Variants in VPS13A observed in about 807,000 individuals in gnomAD.
The protein encoded by VPS13A is intermembrane lipid transfer protein VPS13A.
In VPS13A, 264 loss-of-function variants were observed where a neutral mutation model predicts 390.9. The observed-to-expected ratio is 0.68, with a 90% CI of 0.61 to 0.75. The LOEUF (loss-of-function observed/expected upper bound fraction) is 0.75, where lower values mean the gene tolerates loss of function less well. Among genes scored for constraint, VPS13A ranks in the 30% least tolerant of loss-of-function variants. VPS13A has a pLI of 0.00. For missense variants in VPS13A, 3,409 were observed against 3,733.9 expected, an observed-to-expected ratio of 0.91 and a Z score of 2.27; for synonymous variants, 1,231 against 1,227.1, an observed-to-expected ratio of 1.00 and a Z score of -0.07.
At chr9:77,412,033 G>A (rs1247013827) in intron 71 of VPS13A, among the ~76,000 whole-genome samples, 1 of 152,094 alleles carries the variant, frequency 6.6e-6, no homozygotes. Flanking sequence ...ACCCTCCCAA[G>A]ACTAAAGCAG....
At chr9:77,179,144 G>C (rs1409242319) in intron 1 of VPS13A, among the ~76,000 whole-genome samples, 1 of 152,176 alleles carries the variant, frequency 6.6e-6, no homozygotes, top group Admixed American at 6.5e-5. Flanking sequence ...GAATACTTGA[G>C]GTGAACTTTG....
At chr9:77,298,862 C>A (rs1317067677) in intron 33 of VPS13A, among the ~76,000 whole-genome samples, 3 of 152,112 alleles carry the variant, frequency 2.0e-5, no homozygotes, top group Admixed American at 2.0e-4. Context: ...GGGGAAACCC[C>A]TTTGACTTGG....
At chr9:77,414,346 C>T (rs1835072081) in intron 71 of VPS13A, among the ~76,000 whole-genome samples, 1 of 152,138 alleles carries the variant, frequency 6.6e-6, no homozygotes, top group South Asian at 2.1e-4. Context: ...ACCCAAATGT[C>T]CAACAATGAT....
At chr9:77,277,471 T>C (rs1046718657) in intron 26 of VPS13A, among the ~76,000 whole-genome samples, 15 of 152,208 alleles carry the variant, frequency 9.9e-5, no homozygotes, top group African/African-American at 3.6e-4. Flanking sequence ...TAAGGTTCAC[T>C]GTTGCTGTTA....
intron 45 of VPS13A, among the ~76,000 whole-genome samples, chr9:77,325,598 A>G (rs1829975949): frequency 6.9e-6 from 1 of 145,242 alleles, no homozygotes; most frequent in African/African-American, 2.6e-5. Context: ...CATTTTTGTT[A>G]TGGATTCATT....
chr9:77,363,390 ATTTT>A, intron 59 of VPS13A, among the ~76,000 whole-genome samples: 1 of 115,854 alleles, frequency 8.6e-6, no homozygotes, highest in East Asian at 2.5e-4. Flanking sequence ...TATTACATTA[ATTTT>A]TTTTTTTTTA....
At chr9:77,401,885 A>G (rs952149227) in intron 68 of VPS13A, among the ~76,000 whole-genome samples, 1 of 152,110 alleles carries the variant, frequency 6.6e-6, no homozygotes, top group Admixed American at 6.6e-5. Flanking sequence ...GTTCTATTTT[A>G]TTATTGGTTA....
At position 77,418,398 on chromosome 9, in the gene VPS13A, C is replaced by G. The variant is rs1835237693; in HGVS notation, c.*2392C>G. The G allele has an allele frequency of 6.6e-6, 1 of 152,192 alleles. No individual in the cohort carries two copies. Among genetic ancestry groups the G allele is most frequent in the Admixed American group, 6.5e-5 (1 of 15,276 alleles). 9.4% of individuals were successfully genotyped at this position (152,192 alleles called of 1,614,324 possible). On this transcript the variant is annotated 3_prime_UTR_variant, in exon 72 of 72. Coordinates refer to ENST00000360280, the MANE Select transcript of VPS13A (RefSeq NM_033305.3). ...GCAGAGTGCCTGTTCCCTGCCAACT[C>G]TCCACCAGAAAATCATAATCAGAAA...
intron 67 of VPS13A, among the ~76,000 whole-genome samples, chr9:77,380,605 C>T (rs183564517): frequency 1.3e-5 from 2 of 152,202 alleles, no homozygotes; most frequent in African/African-American, 4.8e-5. Flanking sequence ...CCACCACACC[C>T]GGCCCTATTC....
intron 56 of VPS13A, 115 bp downstream of exon 56, chr9:77,357,953 T>G (rs1006381155): frequency 1.1e-4 from 11 of 104,344 alleles, no homozygotes; most frequent in Non-Finnish European, 1.7e-4. Context: ...TGTGCTAGCC[T>G]TTTTTTTTTT....
rs1402281174 is a variant in VPS13A at position 77,250,028 on chromosome 9, A to T, written c.2038-69A>T. Reference sequence around the variant, plus strand: ...TCCTATTAACATTTTATAAGTCTAAAAATTAAACACTTTATACTTACATTT... The same window carrying T: ...TCCTATTAACATTTTATAAGTCTAATAATTAAACACTTTATACTTACATTT... On this transcript the variant is annotated intron_variant, in intron 20 of 71. Coordinates refer to ENST00000360280, the MANE Select transcript of VPS13A (RefSeq NM_033305.3). 8.4e-6 allele frequency: 13 copies of T among 1,554,290 alleles called. No individual in the cohort carries two copies. The African/African-American group carries it at 1.6e-4, about 20-fold the overall frequency.
At chr9:77,337,039 C>T (rs907646028) in intron 46 of VPS13A, among the ~76,000 whole-genome samples, 4 of 151,778 alleles carry the variant, frequency 2.6e-5, no homozygotes, top group Non-Finnish European at 5.9e-5. Flanking sequence ...CCTCGTGATA[C>T]GCCCGTCTCG....
chr9:77,320,272 A>G (rs1292490334), intron 42 of VPS13A, among the ~76,000 whole-genome samples: 1 of 152,164 alleles, frequency 6.6e-6, no homozygotes, highest in African/African-American at 2.4e-5. Flanking sequence ...AGAGGCGTTA[A>G]ATCCACTCTA....
rs1316825562 is a variant in VPS13A, at chr9:77,314,055, C to T, written c.4178C>T (p.Thr1393Ile). ...VHSRALLVKTTLNISFKTDDL... is the reference protein window; with the variant it reads ...VHSRALLVKTILNISFKTDDL... ...TCACGTGCCTTACTAGTTAAGACAACACTAAACATAAGCTTCAAAACTGAT... is the reference window on the plus strand; with the variant it reads ...TCACGTGCCTTACTAGTTAAGACAATACTAAACATAAGCTTCAAAACTGAT... Residue 1393 changes from threonine to isoleucine, a missense_variant, in exon 36 of 72, where the codon ACA (threonine) becomes ATA (isoleucine). Around this residue, in one of 5 missense-constraint regions of VPS13A, gnomAD observed 2,717 missense variants for 2,917.4 expected, o/e 0.93. Coordinates refer to ENST00000360280, the MANE Select transcript of VPS13A (RefSeq NM_033305.3). 1 of 1,613,346 alleles carries T rather than the reference C, an allele frequency of 6.2e-7. No homozygotes were observed. Among genetic ancestry groups the T allele is most frequent in the Non-Finnish European group, 8.5e-7 (1 of 1,179,540 alleles).
chr9:77,249,527 C>G (rs1193252238), intron 20 of VPS13A, among the ~76,000 whole-genome samples: 1 of 152,170 alleles, frequency 6.6e-6, no homozygotes, highest in Non-Finnish European at 1.5e-5. Flanking sequence ...TGTGTACACA[C>G]ATGTATTTTT....
intron 71 of VPS13A, among the ~76,000 whole-genome samples, chr9:77,415,582 G>C (rs1182491033): frequency 2.6e-5 from 4 of 152,104 alleles, no homozygotes; most frequent in African/African-American, 9.7e-5. Context: ...ACCCTCTCTG[G>C]AATTGTGTGT....
chr9:77,179,023 C>G (rs1823838152), intron 1 of VPS13A, among the ~76,000 whole-genome samples: 2 of 152,148 alleles, frequency 1.3e-5, no homozygotes, highest in African/African-American at 2.4e-5. Flanking sequence ...ATAGTGATAG[C>G]TGCTCAGCCT....
chr9:77,339,507 T>A lies in VPS13A; in HGVS notation c.6379-9T>A. On this transcript the variant is annotated splice_polypyrimidine_tract_variant and intron_variant, in intron 47 of 71. Coordinates refer to ENST00000360280, the MANE Select transcript of VPS13A (RefSeq NM_033305.3). ...AAATTTTGTTTTGTTTTTTTTTTTT[T>A]TATTACAGGGAATTGAAAATTCGGT... 1 of 1,530,940 alleles carries A rather than the reference T, an allele frequency of 6.5e-7. No individual in the cohort carries two copies. The highest frequency in any genetic ancestry group is 8.8e-7 in the Non-Finnish European group (1 of 1,139,318). The allele number at this position is 1,530,940 out of a possible 1,614,324, so 94.8% of individuals were successfully genotyped here.
At chr9:77,410,002 C>T (rs1331565803) in intron 71 of VPS13A, among the ~76,000 whole-genome samples, 1 of 151,568 alleles carries the variant, frequency 6.6e-6, no homozygotes, top group African/African-American at 2.4e-5. Context: ...GTCAGATTCA[C>T]CAAAGTTGGA....
Sources: allele counts gnomAD v4.1 joint callset (sites outside exome capture counted in the v4.1 genomes callset), GRCh38; gene constraint gnomAD v4.1.1; regional missense constraint gnomAD v4.1.1; transcripts MANE v1.5; gene names NCBI Gene and HGNC (gene_info 2026-07-23, HGNC 2026-07-21).